DOCK4: variants seen among roughly 807,000 people sequenced by gnomAD.
The protein encoded by DOCK4 is dedicator of cytokinesis 4.
DOCK4 carries 97 observed loss-of-function variants against 268.1 expected under a neutral mutation model. The ratio of observed to expected loss-of-function variants is 0.36; its 90% CI spans 0.31 to 0.43. The LOEUF (loss-of-function observed/expected upper bound fraction) is 0.43, where lower values mean the gene tolerates loss of function less well. Among genes scored for constraint, DOCK4 ranks in the 20% least tolerant of loss-of-function variants. The probability of loss-of-function intolerance (pLI) is 1.00; values close to 1 mark genes in which losing one functional copy is unlikely to be tolerated. For missense variants in DOCK4, 2,145 were observed against 2,455.7 expected (o/e 0.87, Z 2.67); for synonymous variants, 954 against 887.2 (o/e 1.08, Z -1.34).
intron 11 of DOCK4, among the ~76,000 whole-genome samples, chr7:111,938,559 G>C (rs1301353294): frequency 6.6e-6 from 1 of 152,198 alleles, no homozygotes; most frequent in Non-Finnish European, 1.5e-5. Context: ...AGCCTGTGGG[G>C]AGGTGGCACG....
At chr7:111,865,296 T>C (rs557548270) in intron 22 of DOCK4, among the ~76,000 whole-genome samples, 13 of 152,302 alleles carry the variant, frequency 8.5e-5, no homozygotes, top group Non-Finnish European at 1.8e-4. Flanking sequence ...CATTAGCAAG[T>C]TGCATTTGGG....
chr7:111,831,543 G>A (rs1802812444), intron 26 of DOCK4, among the ~76,000 whole-genome samples: 1 of 151,062 alleles, frequency 6.6e-6, no homozygotes, highest in South Asian at 2.1e-4. Context: ...GGAGAGGAGT[G>A]GTGCAATCAC....
chr7:112,075,450 G>A lies in DOCK4; in HGVS notation c.38-71319C>T, dbSNP rs73717954. On this transcript the variant is annotated intron_variant, in intron 1 of 52. Transcript: ENST00000428084. ...ATAGAGGAATCATCACCTAGAGGGA[G>A]GACTTGGAAATAAGTTAGAAACCGT... Among the ~76,000 whole-genome samples, 557 of 152,238 alleles carry A rather than the reference G, an allele frequency of 3.7e-3. 2 individuals carry two copies. The highest frequency in any genetic ancestry group is 0.013 in the African/African-American group (524 of 41,548).
At position 112,206,345 on chromosome 7, in the gene DOCK4, C is replaced by T; in HGVS notation, c.-207G>A. The T allele has an allele frequency of 1.7e-6, 1 of 600,898 alleles. No individual in the cohort carries two copies. The allele number at this position is 600,898 out of a possible 1,614,324, so 37.2% of individuals were successfully genotyped here. On this transcript the variant is annotated 5_prime_UTR_variant, in exon 1 of 53. The change abolishes the stop of an existing upstream ORF in the 5' untranslated region. Transcript: ENST00000428084. ...CGCAGCTCTCCCGGCGGCGGCTGCT[C>T]ACAGTCCTCCGACGCGCTCCCGGGT...
rs1585794398 is a variant in DOCK4, at chr7:111,728,465, T to C, written c.5737A>G (p.Ser1913Gly). ...RKESKTPPPY[S>G]VYERTLRRPV... ...CGCCGCAGAGTCCGCTCGTAGACGC[T>C]GTACGGGGGCGGAGTCTTGCTCTCC... The change falls in exon 53 of 53, where the codon AGC becomes GGC. Residue 1913 changes from serine to glycine, a missense_variant. Physicochemically the swap from Ser to Gly is moderately conservative, Grantham distance 56 (BLOSUM62 0). Coordinates refer to ENST00000428084, the MANE Select transcript of DOCK4 (RefSeq NM_001363540.2). 1 of 1,610,836 alleles carries C rather than the reference T, an allele frequency of 6.2e-7. No homozygotes were observed. The highest frequency in any genetic ancestry group is 1.1e-5 in the South Asian group (1 of 90,784).
chr7:111,981,883 G>A (rs74375679), intron 7 of DOCK4, among the ~76,000 whole-genome samples: 2,804 of 152,236 alleles, frequency 0.018, 91 homozygotes, highest in African/African-American at 0.063. Flanking sequence ...CTGGAATGCT[G>A]AAAGAGGTGA....
intron 12 of DOCK4, among the ~76,000 whole-genome samples, chr7:111,930,421 C>T (rs961992558): frequency 1.3e-5 from 2 of 152,088 alleles, no homozygotes; most frequent in African/African-American, 4.8e-5. Flanking sequence ...ATCAATGAAG[C>T]ATAAAGGGCC....
chr7:112,031,401 TCTTCACAG>T (rs1803257436), intron 1 of DOCK4, among the ~76,000 whole-genome samples: 1 of 152,232 alleles, frequency 6.6e-6, no homozygotes, highest in South Asian at 2.1e-4. Flanking sequence ...CACTTTCTTA[TCTTCACAG>T]TTTTCTTTTC....
intron 13 of DOCK4, among the ~76,000 whole-genome samples, chr7:111,909,313 T>G (rs973874805): frequency 7.2e-5 from 11 of 152,248 alleles, no homozygotes; most frequent in Admixed American, 2.0e-4. Context: ...ACTGTCTTCT[T>G]TTGAGAAGTG....
At chr7:112,135,261 T>C (rs1814214949) in intron 1 of DOCK4, among the ~76,000 whole-genome samples, 1 of 152,188 alleles carries the variant, frequency 6.6e-6, no homozygotes, top group South Asian at 2.1e-4. Context: ...CATTTTAAAA[T>C]AGTTAAAACC....
chr7:111,981,731 G>A (rs1160331385), intron 7 of DOCK4, among the ~76,000 whole-genome samples: 1 of 152,074 alleles, frequency 6.6e-6, no homozygotes, highest in East Asian at 1.9e-4. Context: ...TGAAGACTTT[G>A]GACTAGGATC....
At chr7:111,939,065 C>T (rs371006976) in intron 11 of DOCK4, among the ~76,000 whole-genome samples, 8 of 151,756 alleles carry the variant, frequency 5.3e-5, no homozygotes, top group African/African-American at 1.2e-4. Context: ...ATCAGAGTGA[C>T]GCGTCTACAA....
At chr7:111,740,788 G>A (rs368810354) in intron 47 of DOCK4, among the ~76,000 whole-genome samples, 5 of 138,328 alleles carry the variant, frequency 3.6e-5, no homozygotes, top group African/African-American at 1.3e-4. Flanking sequence ...CTAGTGAGTG[G>A]CAACACACTC....
At chr7:111,892,277 T>C (rs1808347753) in intron 16 of DOCK4, among the ~76,000 whole-genome samples, 1 of 152,202 alleles carries the variant, frequency 6.6e-6, no homozygotes, top group African/African-American at 2.4e-5. Context: ...CTCGGCTCAC[T>C]GTAACCTCCG....
intron 1 of DOCK4, among the ~76,000 whole-genome samples, chr7:112,127,803 G>T (rs907249314): frequency 6.6e-6 from 1 of 152,154 alleles, no homozygotes; most frequent in African/African-American, 2.4e-5. Flanking sequence ...GGCCAAGGTG[G>T]GTGGATCATG....
At chr7:111,733,382 C>A (rs1223293930) in intron 51 of DOCK4, among the ~76,000 whole-genome samples, 1 of 152,206 alleles carries the variant, frequency 6.6e-6, no homozygotes, top group Non-Finnish European at 1.5e-5. Flanking sequence ...CATGATCACA[C>A]TGGTAGTGTG....
At chr7:112,033,885 T>A (rs181948068) in intron 1 of DOCK4, among the ~76,000 whole-genome samples, 2 of 152,214 alleles carry the variant, frequency 1.3e-5, no homozygotes, top group African/African-American at 4.8e-5. Context: ...GTGTGAAATA[T>A]AGTGCTCAAT....
At chr7:111,959,611 G>C (rs569852595) in intron 8 of DOCK4, among the ~76,000 whole-genome samples, 1 of 152,232 alleles carries the variant, frequency 6.6e-6, no homozygotes, top group South Asian at 2.1e-4. Context: ...TTTTTTACTA[G>C]TCTGGGCCAA....
At chr7:111,950,212 C>A (rs937725254) in intron 8 of DOCK4, among the ~76,000 whole-genome samples, 34 of 152,222 alleles carry the variant, frequency 2.2e-4, no homozygotes, top group African/African-American at 8.2e-4. Flanking sequence ...CAGGCATAAG[C>A]CACCGTGCCT....
Sources: gnomAD v4.1 joint callset for allele counts (sites outside exome capture counted in the v4.1 genomes callset) on GRCh38, gnomAD v4.1.1 for gene constraint, MANE v1.5 for transcripts, NCBI Gene and HGNC (gene_info 2026-07-23, HGNC 2026-07-21) for gene names.